AKAP13: variants seen among roughly 807,000 people sequenced by gnomAD.
The protein encoded by AKAP13 is A-kinase anchor protein 13.
Under a neutral mutation model 264.5 loss-of-function variants are expected in AKAP13, and 80 were observed. The observed-to-expected ratio is 0.30, with a 90% CI of 0.25 to 0.36. AKAP13 has a LOEUF of 0.36. Among genes scored for constraint, AKAP13 ranks in the 10% least tolerant of loss-of-function variants. The probability of loss-of-function intolerance (pLI) is 1.00; values close to 1 mark genes in which losing one functional copy is unlikely to be tolerated. For missense variants in AKAP13, 3,712 were observed against 3,435.2 expected (o/e 1.08, Z -2.01); for synonymous variants, 1,380 against 1,250.2 (o/e 1.10, Z -2.19).
chr15:85,696,578 A>C (rs540643904), intron 17 of AKAP13, among the ~76,000 whole-genome samples: 14 of 152,280 alleles, frequency 9.2e-5, no homozygotes, highest in African/African-American at 2.6e-4. Flanking sequence ...TTTGGAGAGC[A>C]CTGATCTCAG....
intron 35 of AKAP13, among the ~76,000 whole-genome samples, chr15:85,743,054 G>A (rs1225506259): frequency 6.6e-6 from 1 of 152,150 alleles, no homozygotes; most frequent in Non-Finnish European, 1.5e-5. Context: ...GATTCTTGGT[G>A]TAAGCTCGGC....
In AKAP13 at chr15:85,730,541, C is replaced by A. The variant is rs760149574; in HGVS notation, c.7116C>A (p.Ile2372=). ...AACTTCACCAGAAGGACCAAAAAAT[C>A]CTACTCTTGTTGGAAGAGAAGGAGA... is the stretch of plus-strand genomic sequence containing the variant. The part of the protein sequence containing the change: ...KEQLHQKDQK[I]LLLLEEKEMI... The change falls in exon 30 of 37, where the codon ATC becomes ATA. Residue 2372 remains isoleucine, a synonymous_variant. Coordinates refer to ENST00000394518, the MANE Select transcript of AKAP13 (RefSeq NM_007200.5). The A allele has an allele frequency of 6.2e-7, 1 of 1,613,946 alleles. No individual in the cohort carries two copies. Among genetic ancestry groups the A allele is most frequent in the African/African-American group, 1.3e-5 (1 of 74,892 alleles).
At chr15:85,604,997 A>G (rs1258775161) in intron 8 of AKAP13, among the ~76,000 whole-genome samples, 5 of 152,150 alleles carry the variant, frequency 3.3e-5, no homozygotes, top group East Asian at 3.9e-4. Context: ...TGGAGGGACA[A>G]CTTACATGTT....
intron 1 of AKAP13, among the ~76,000 whole-genome samples, chr15:85,407,460 C>T (rs898751374): frequency 1.3e-5 from 2 of 151,556 alleles, no homozygotes; most frequent in East Asian, 3.9e-4. Context: ...GGCTGTTCTT[C>T]AACTCCTGAC....
Position 85,521,470 on chromosome 15 carries a change from G to A in AKAP13, c.76G>A (p.Ala26Thr). The A allele has an allele frequency of 6.2e-7, 1 of 1,614,164 alleles. No individual in the cohort carries two copies. The change falls in exon 3 of 37, where the codon GCT becomes ACT. Residue 26 changes from alanine (A) to threonine (T), a missense_variant. Ala to Thr is a moderately conservative substitution (Grantham distance 58). This residue lies in a region of AKAP13 where 2,759 missense variants were observed against 2,411.7 expected (regional missense o/e 1.14). Transcript: ENST00000394518. Reference sequence around the variant, plus strand: ...AGTGCTGCTTGCTGAAGAGGACAAAGCTGAAGATGATGTAGTGTTTTACTT... The same window carrying A: ...AGTGCTGCTTGCTGAAGAGGACAAAACTGAAGATGATGTAGTGTTTTACTT... ...VTVLLAEEDKAEDDVVFYLVF... is the reference protein window; with the variant it reads ...VTVLLAEEDKTEDDVVFYLVF...
At chr15:85,510,598 G>A (rs745483256) in intron 2 of AKAP13, among the ~76,000 whole-genome samples, 1 of 152,198 alleles carries the variant, frequency 6.6e-6, no homozygotes, top group Non-Finnish European at 1.5e-5. Flanking sequence ...TTTGCTAGCA[G>A]TAAGTCATTT....
intron 19 of AKAP13, among the ~76,000 whole-genome samples, chr15:85,712,684 C>G (rs550703293): frequency 6.6e-6 from 1 of 152,262 alleles, no homozygotes; most frequent in Non-Finnish European, 1.5e-5. Flanking sequence ...GCTGGGATTA[C>G]AGGTGTGAGC....
chr15:85,642,163 A>G (rs1323461154), intron 9 of AKAP13, among the ~76,000 whole-genome samples: 1 of 152,246 alleles, frequency 6.6e-6, no homozygotes, highest in East Asian at 1.9e-4. Context: ...CATTAGACAC[A>G]TATATCACAC....
intron 9 of AKAP13, among the ~76,000 whole-genome samples, chr15:85,644,816 T>C (rs903136518): frequency 2.6e-5 from 4 of 152,022 alleles, no homozygotes; most frequent in Non-Finnish European, 2.9e-5. Flanking sequence ...CAAAAACTTA[T>C]TGAAGGAAGC....
intron 5 of AKAP13, among the ~76,000 whole-genome samples, chr15:85,556,669 T>C (rs535280415): frequency 6.6e-6 from 1 of 152,256 alleles, no homozygotes; most frequent in Non-Finnish European, 1.5e-5. Context: ...CCCATAGCTC[T>C]GTCTGCACAG....
chr15:85,723,031 A>G (rs746023675), intron 25 of AKAP13, 41 bp from the exon 26 acceptor site: 3 of 1,597,258 alleles, frequency 1.9e-6, no homozygotes, highest in South Asian at 2.2e-5. Context: ...GCCCTTGTCC[A>G]AAAAGAGCCA....
intron 13 of AKAP13, among the ~76,000 whole-genome samples, chr15:85,666,631 T>C (rs2083617777): frequency 6.6e-6 from 1 of 152,184 alleles, no homozygotes; most frequent in African/African-American, 2.4e-5. Context: ...TCACTGCAGC[T>C]TCAACTTCCC....
chr15:85,393,342 T>A (rs888314685), intron 1 of AKAP13, among the ~76,000 whole-genome samples: 20 of 152,174 alleles, frequency 1.3e-4, no homozygotes, highest in African/African-American at 4.6e-4. Context: ...GAAGTAGAGT[T>A]CTAAGTGTTC....
At chr15:85,742,223 G>A (rs1034109223) in intron 35 of AKAP13, among the ~76,000 whole-genome samples, 5 of 152,196 alleles carry the variant, frequency 3.3e-5, no homozygotes, top group Non-Finnish European at 5.9e-5. Flanking sequence ...AGGAGTCTCA[G>A]TGTGTCTGAG....
At chr15:85,722,166 C>A in intron 24 of AKAP13, 50 bp downstream of exon 24, 1 of 1,611,138 alleles carries the variant, frequency 6.2e-7, no homozygotes, top group Admixed American at 1.7e-5. Flanking sequence ...AGCCATGTGT[C>A]CCTGTCGGCT....
At position 85,580,251 on chromosome 15, in the gene AKAP13, G is replaced by T. The variant is rs769651041; in HGVS notation, c.2183G>T (p.Arg728Leu). The change falls in exon 7 of 37, where the codon CGT becomes CTT. Residue 728 changes from arginine (R) to leucine (L), a missense_variant. Around this residue, in one of 3 missense-constraint regions of AKAP13, gnomAD observed 2,759 missense variants for 2,411.7 expected, o/e 1.14. Coordinates refer to ENST00000394518, the MANE Select transcript of AKAP13 (RefSeq NM_007200.5). ...GACCCTGTAAGGGATACCCAGGAAC[G>T]TGCGGATTTTTGTCCTTTCAAAGTG... ...TSDPVRDTQERADFCPFKVVD... is the reference protein window; with the variant it reads ...TSDPVRDTQELADFCPFKVVD... The T allele has an allele frequency of 6.2e-7, 1 of 1,614,186 alleles. No homozygotes were observed. The highest frequency in any genetic ancestry group is 1.6e-4 in the Middle Eastern group (1 of 6,062).
intron 17 of AKAP13, among the ~76,000 whole-genome samples, chr15:85,694,806 T>C (rs781043507): frequency 3.9e-5 from 6 of 152,222 alleles, no homozygotes; most frequent in Non-Finnish European, 7.3e-5. Context: ...CATGATACTA[T>C]ATCTATAACC....
intron 1 of AKAP13, among the ~76,000 whole-genome samples, chr15:85,433,589 A>T (rs1386586041): frequency 6.6e-6 from 1 of 152,014 alleles, no homozygotes; most frequent in African/African-American, 2.4e-5. Context: ...GGACTTCCTG[A>T]TCATCCCTTC....
intron 8 of AKAP13, among the ~76,000 whole-genome samples, chr15:85,637,162 A>G (rs1226050141): frequency 6.6e-6 from 1 of 152,246 alleles, no homozygotes; most frequent in East Asian, 1.9e-4. Context: ...CTAGGCTCAT[A>G]AAATGAGCTG....
Sources: gnomAD v4.1 joint callset for allele counts (sites outside exome capture counted in the v4.1 genomes callset) on GRCh38, gnomAD v4.1.1 for gene constraint, gnomAD v4.1.1 regional missense constraint, MANE v1.5 for transcripts, NCBI Gene and HGNC (gene_info 2026-07-23, HGNC 2026-07-21) for gene names.